MMP28: variants seen among roughly 807,000 people sequenced by gnomAD.
MMP28 encodes matrix metalloproteinase-28.
Under a neutral mutation model 60.5 loss-of-function variants are expected in MMP28, and 55 were observed. That is an observed-to-expected ratio of 0.91 (90% CI 0.73 to 1.14). The LOEUF (loss-of-function observed/expected upper bound fraction) is 1.14, where lower values mean the gene tolerates loss of function less well. Among genes scored for constraint, MMP28 ranks in the 50% most tolerant of loss-of-function variants. The probability of loss-of-function intolerance (pLI) is 0.00; values close to 1 mark genes in which losing one functional copy is unlikely to be tolerated. For synonymous variants in MMP28, 318 were observed against 312.5 expected, an observed-to-expected ratio of 1.02 and a Z score of -0.18; for missense variants, 686 against 738.3, an observed-to-expected ratio of 0.93 and a Z score of 0.82.
At chr17:35,764,803 A>C, downstream of MMP28, 1 of 619,216 alleles carries the variant, frequency 1.6e-6, no homozygotes. Context: ...CCCATCTGTC[A>C]CCTAGCGCCC....
At position 35,767,799 on chromosome 17, in the gene MMP28, T is replaced by C; in HGVS notation, c.1121A>G (p.Glu374Gly). The change falls in exon 7 of 8, where the codon GAG (glutamate) becomes GGG (glycine). Residue 374 changes from glutamate to glycine, a missense_variant. Physicochemically the swap from Glu to Gly is moderately conservative, Grantham distance 98 (BLOSUM62 -2). Transcript: ENST00000605424. ...ERWVGLPPNI[E>G]AAAVSLNDGD... ...ATCATTCAATGACACTGCCGCAGCC[T>C]CAATGTTGGGGGGCAGCCCGACCCA... is the stretch of plus-strand genomic sequence containing the variant. The C allele has an allele frequency of 6.2e-7, 1 of 1,600,040 alleles. No homozygotes were observed. Among genetic ancestry groups the C allele is most frequent in the Non-Finnish European group, 8.5e-7 (1 of 1,173,512 alleles).
intron 3 of MMP28, among the ~76,000 whole-genome samples, chr17:35,776,639 C>A (rs2086339622): frequency 6.6e-6 from 1 of 152,042 alleles, no homozygotes; most frequent in Non-Finnish European, 1.5e-5. Context: ...GTAATCCCAG[C>A]ACTTTGAGAG....
At chr17:35,777,662 T>C (rs553846886) in intron 3 of MMP28, among the ~76,000 whole-genome samples, 1 of 152,236 alleles carries the variant, frequency 6.6e-6, no homozygotes, top group Non-Finnish European at 1.5e-5. Context: ...GATGAAAACC[T>C]GGTTAAAAAC....
At chr17:35,785,400 C>A (rs1252355191) in intron 1 of MMP28, among the ~76,000 whole-genome samples, 1 of 152,032 alleles carries the variant, frequency 6.6e-6, no homozygotes, top group African/African-American at 2.4e-5. Context: ...TTAGGTAAGT[C>A]CTGTGCCTCT....
In MMP28 at chr17:35,766,427, G is replaced by A; in HGVS notation, c.*73C>T. On this transcript the variant is annotated 3_prime_UTR_variant, in exon 8 of 8. Transcript: ENST00000605424. This position sits in a 1 kb window ranked among gnomAD's most constrained non-coding sequence, Gnocchi z 4.3. ...GAGGGACTCAGAGGCTTCTAAGAGG[G>A]GTTCTGCCCCGGGGGTGGGGAACAT... 1 of 1,455,240 alleles carries A rather than the reference G, an allele frequency of 6.9e-7. No individual in the cohort carries two copies. Among genetic ancestry groups the A allele is most frequent in the East Asian group, 2.5e-5 (1 of 40,140 alleles). The allele number at this position is 1,455,240 out of a possible 1,614,324, so 90.1% of individuals were successfully genotyped here.
At position 35,766,134 on chromosome 17, in the gene MMP28, C is replaced by G; in HGVS notation, c.*366G>C. The G allele has an allele frequency of 9.7e-7, 1 of 1,034,844 alleles. No individual in the cohort carries two copies. The highest frequency in any genetic ancestry group is 4.5e-5 in the South Asian group (1 of 22,364). 64.1% of individuals were successfully genotyped at this position (1,034,844 alleles called of 1,614,324 possible). A position where few individuals can be genotyped will look rare whatever the true frequency, so the allele number is the denominator to read the frequency against. The stretch of plus-strand genomic sequence containing the variant: ...TCTTGCAAAATGGTCTCGAATTTCT[C>G]TGCTGAGTTTTTCATCCCCCTGCTT... On this transcript the variant is annotated 3_prime_UTR_variant, in exon 8 of 8. Coordinates refer to ENST00000605424, the MANE Select transcript of MMP28 (RefSeq NM_024302.5). This position sits in a 1 kb window ranked among gnomAD's most constrained non-coding sequence, Gnocchi z 4.3.
Position 35,768,102 on chromosome 17 carries a change from T to TG in MMP28, c.1000+127dup, listed in dbSNP as rs2086001722. 20 of 1,342,956 alleles carry TG rather than the reference T, an allele frequency of 1.5e-5. No individual in the cohort carries two copies. The South Asian group carries it at 2.8e-4, about 19-fold the overall frequency. The allele number at this position is 1,342,956 out of a possible 1,614,324, so 83.2% of individuals were successfully genotyped here. ...TTTTGCTGGGTGTGGGGTTGCTACC[T>TG]GCAGCGTGCTTGTGGCTTGGGATTT... On this transcript the variant is annotated intron_variant, in intron 6 of 7. Coordinates refer to ENST00000605424, the MANE Select transcript of MMP28 (RefSeq NM_024302.5).
chr17:35,767,604 C>G, intron 7 of MMP28, 148 bp downstream of exon 7: 1 of 955,524 alleles, frequency 1.0e-6, no homozygotes, highest in Non-Finnish European at 1.5e-6. Context: ...CTGATAGAGT[C>G]TTCCCTGGGG....
downstream of MMP28, among the ~76,000 whole-genome samples, chr17:35,763,085 G>A (rs2085855470): frequency 6.7e-6 from 1 of 149,430 alleles, no homozygotes; most frequent in Non-Finnish European, 1.5e-5. Context: ...TGGCACCACT[G>A]CACTCCAGCC....
chr17:35,767,559 T>G (rs1433919496), intron 7 of MMP28, among the ~76,000 whole-genome samples, 193 bp downstream of exon 7: 1 of 152,154 alleles, frequency 6.6e-6, no homozygotes, highest in Non-Finnish European at 1.5e-5. Context: ...ACTTTGACAC[T>G]TGCTGCTCCC....
chr17:35,765,739 TCTGCACACACACA>T (rs2085921455), downstream of MMP28: 1 of 596,450 alleles, frequency 1.7e-6, no homozygotes, highest in African/African-American at 2.0e-5. Context: ...CCATCACAGC[TCTGCACACACACA>T]CACAGCTGCC....
intron 2 of MMP28, among the ~76,000 whole-genome samples, chr17:35,756,900 A>T (rs587768569): frequency 2.6e-5 from 4 of 152,132 alleles, no homozygotes; most frequent in South Asian, 2.1e-4. Context: ...TCCCTTGAGC[A>T]TGTTTAAAAA....
chr17:35,786,671 C>T (rs2086655908), intron 1 of MMP28, among the ~76,000 whole-genome samples: 1 of 127,184 alleles, frequency 7.9e-6, no homozygotes, highest in African/African-American at 3.7e-5. Context: ...GATTTCGAGA[C>T]CAGCCTCATA....
At chr17:35,762,126 G>A (rs1375125466), downstream of MMP28, among the ~76,000 whole-genome samples, 3 of 152,104 alleles carry the variant, frequency 2.0e-5, no homozygotes, top group East Asian at 5.8e-4. Context: ...GAATAGCTGG[G>A]ATTACAGGCA....
At position 35,773,324 on chromosome 17, in the gene MMP28, C is replaced by A; in HGVS notation, c.460G>T (p.Ala154Ser). The A allele has an allele frequency of 6.2e-7, 1 of 1,613,154 alleles. No homozygotes were observed. The highest frequency in any genetic ancestry group is 1.1e-5 in the South Asian group (1 of 90,954). ...CACAACTGGAAGGCGGCGCGCACGG[C>A]GCCCCGAACTGCCGGCTCCGGCAGA... is the stretch of plus-strand genomic sequence containing the variant. Reference protein sequence around the residue: ...EHLPEPAVRGAVRAAFQLWSN... With the variant: ...EHLPEPAVRGSVRAAFQLWSN... The change falls in exon 4 of 8, where the codon GCC becomes TCC. Residue 154 changes from alanine (A) to serine (S), a missense_variant. Ala to Ser is a moderately conservative substitution (Grantham distance 99). Coordinates refer to ENST00000605424, the MANE Select transcript of MMP28 (RefSeq NM_024302.5).
In MMP28 at chr17:35,779,330, G is replaced by A; in HGVS notation, c.112-7C>T. The A allele has an allele frequency of 3.7e-6, 6 of 1,609,466 alleles. No individual in the cohort carries two copies. Among genetic ancestry groups the A allele is most frequent in the Non-Finnish European group, 5.1e-6 (6 of 1,177,776 alleles). On this transcript the variant is annotated splice_region_variant and splice_polypyrimidine_tract_variant and intron_variant, in intron 1 of 7. Coordinates refer to ENST00000605424, the MANE Select transcript of MMP28 (RefSeq NM_024302.5). Reference sequence around the variant, plus strand: ...CGTACTTCTCTAGGAATGCCTGCGGGAGAGAGGAATATCTGCTTTTTCCAT... The same window carrying A: ...CGTACTTCTCTAGGAATGCCTGCGGAAGAGAGGAATATCTGCTTTTTCCAT...
At chr17:35,783,787 G>A (rs980189791) in intron 1 of MMP28, among the ~76,000 whole-genome samples, 1 of 152,012 alleles carries the variant, frequency 6.6e-6, no homozygotes, top group Non-Finnish European at 1.5e-5. Context: ...TGGGGGTTGG[G>A]GGTGAGGGCC....
At chr17:35,767,178 CTA>C in intron 7 of MMP28, 1 of 669,468 alleles carries the variant, frequency 1.5e-6, no homozygotes. Context: ...ACTAATAATT[CTA>C]TGAGGGCAAG....
At chr17:35,759,703 C>T (rs79308333) in intron 2 of MMP28, among the ~76,000 whole-genome samples, 3,129 of 151,124 alleles carry the variant, frequency 0.021, 64 homozygotes, top group East Asian at 0.11. Flanking sequence ...TGTCCGCTAC[C>T]CCCCACCGCC....
Sources: gnomAD v4.1 joint callset for allele counts (sites outside exome capture counted in the v4.1 genomes callset) on GRCh38, gnomAD v4.1.1 for gene constraint, Gnocchi (gnomAD v3.1) non-coding constraint, MANE v1.5 for transcripts, NCBI Gene and HGNC (gene_info 2026-07-23, HGNC 2026-07-21) for gene names.